The following MMD2 variants were observed in gnomAD, a reference collection of about 807,000 sequenced individuals.
MMD2 encodes the protein monocyte to macrophage differentiation factor 2.
A neutral mutation model predicts 33.5 loss-of-function variants in MMD2; 30 were observed. The ratio of observed to expected loss-of-function variants is 0.90; its 90% CI spans 0.67 to 1.22. The LOEUF is 1.22. MMD2 is among the 50% of genes most tolerant of loss of function. The pLI, the probability that MMD2 is intolerant of heterozygous loss-of-function variation, is 0.00. For synonymous variants in MMD2, 129 were observed against 123.0 expected (o/e 1.05, Z -0.32); for missense variants, 364 against 325.4 (o/e 1.12, Z -0.91).
chr7:4,958,172 G>C (rs922141158), intron 1 of MMD2, among the ~76,000 whole-genome samples: 10 of 152,152 alleles, frequency 6.6e-5, no homozygotes, highest in African/African-American at 2.4e-4. Context: ...CAGCAGACGG[G>C]TCTGTGCTCG....
Position 4,906,888 on chromosome 7 carries a change from T to C in MMD2, c.*508A>G, listed in dbSNP as rs1258012040. On this transcript the variant is annotated 3_prime_UTR_variant, in exon 7 of 7. Transcript: ENST00000401401. ...GACATCACCCATGTGCTGCACTTGA[T>C]TGGTGATGTCTGCCATGGTCACAGC... 3 of 254,930 alleles carry C rather than the reference T, an allele frequency of 1.2e-5. No individual in the cohort carries two copies. The highest frequency in any genetic ancestry group is 1.2e-4 in the South Asian group (1 of 8,240). 15.8% of individuals were successfully genotyped at this position (254,930 alleles called of 1,614,324 possible).
intron 3 of MMD2, 72 bp downstream of exon 3, chr7:4,920,099 C>A (rs1271344887): frequency 3.4e-6 from 5 of 1,470,474 alleles, no homozygotes; most frequent in Non-Finnish European, 4.6e-6. Context: ...TCCTGGTTCA[C>A]CCCCCGGGCT....
downstream of MMD2, among the ~76,000 whole-genome samples, chr7:4,903,748 C>A (rs1784824370): frequency 6.6e-6 from 1 of 152,230 alleles, no homozygotes; most frequent in Non-Finnish European, 1.5e-5. Context: ...CCTGCCCTGG[C>A]AGTGCCCACT....
At chr7:4,952,975 C>A (rs754064348) in intron 1 of MMD2, among the ~76,000 whole-genome samples, 10 of 151,038 alleles carry the variant, frequency 6.6e-5, no homozygotes, top group Non-Finnish European at 8.8e-5. Context: ...CCACACCTGG[C>A]CTTTTTTTGT....
At chr7:4,914,125 A>G (rs1785084709) in intron 4 of MMD2, among the ~76,000 whole-genome samples, 1 of 152,208 alleles carries the variant, frequency 6.6e-6, no homozygotes, top group African/African-American at 2.4e-5. Flanking sequence ...AGCTGGGAGC[A>G]CAGGCACATG....
Position 4,913,648 on chromosome 7 carries a change from G to A in MMD2, c.365+2357C>T, listed in dbSNP as rs1785068452. ...CAGGAGAATTGCTTGAACCCGGGAG[G>A]CAGGGTTTGCACTGAGCCAAGATCA... On this transcript the variant is annotated intron_variant, in intron 4 of 6. Coordinates refer to ENST00000401401, the MANE Select transcript of MMD2 (RefSeq NM_198403.4). Among the ~76,000 whole-genome samples, 5 of 150,718 alleles carry A rather than the reference G, an allele frequency of 3.3e-5. No homozygotes were observed. In the South Asian group the frequency reaches 1.0e-3, roughly 32 times the overall value.
At position 4,909,027 on chromosome 7, in the gene MMD2, T is replaced by C. The variant is rs374054096; in HGVS notation, c.537+854A>G. Among the ~76,000 whole-genome samples the C allele has an allele frequency of 3.3e-5, 5 of 152,224 alleles. No homozygotes were observed. The South Asian group carries it at 8.3e-4, about 25-fold the overall frequency. On this transcript the variant is annotated intron_variant, in intron 6 of 6. Coordinates refer to ENST00000401401, the MANE Select transcript of MMD2 (RefSeq NM_198403.4). ...CTTACTACCACTGAACTGAATATTTTACCACAGTTTTTTAAAGTAATGGCA... is the reference window on the plus strand; with the variant it reads ...CTTACTACCACTGAACTGAATATTTCACCACAGTTTTTTAAAGTAATGGCA...
intron 1 of MMD2, among the ~76,000 whole-genome samples, chr7:4,935,697 AC>A (rs1316186899): frequency 0.012 from 1,505 of 126,536 alleles, 48 homozygotes; most frequent in Admixed American, 0.061. Flanking sequence ...AAAAAAAAAA[AC>A]CAAAAAAATT....
chr7:4,912,090 A>T (rs1398092105), intron 4 of MMD2, among the ~76,000 whole-genome samples: 2 of 151,754 alleles, frequency 1.3e-5, no homozygotes. Flanking sequence ...CAACAGAGTA[A>T]GTAAGACCCT....
chr7:4,936,953 C>G (rs1310983652), intron 1 of MMD2, among the ~76,000 whole-genome samples: 1 of 150,374 alleles, frequency 6.7e-6, no homozygotes, highest in Non-Finnish European at 1.5e-5. Flanking sequence ...TCAGGATGGT[C>G]TCAAACTCCT....
intron 1 of MMD2, among the ~76,000 whole-genome samples, chr7:4,955,967 C>T (rs546928641): frequency 4.6e-5 from 7 of 152,268 alleles, no homozygotes; most frequent in Admixed American, 1.3e-4. Context: ...GCAGGAGAAT[C>T]GCTTAAACCT....
Position 4,907,031 on chromosome 7 carries a change from C to T in MMD2, c.*365G>A. On this transcript the variant is annotated 3_prime_UTR_variant, in exon 7 of 7. Transcript: ENST00000401401. ...CCCTGGCCACCCAGGTATAAACAAC[C>T]CACAGGACTCTTTGCCAGATTCTTC... The T allele has an allele frequency of 3.6e-6, 1 of 281,028 alleles. No homozygotes were observed. The highest frequency in any genetic ancestry group is 8.8e-5 in the East Asian group (1 of 11,308). 17.4% of individuals were successfully genotyped at this position (281,028 alleles called of 1,614,324 possible). A position where few individuals can be genotyped will look rare whatever the true frequency, so the allele number is the denominator to read the frequency against.
At chr7:4,899,242 T>C in the MMD2 span, among the ~76,000 whole-genome samples, 1 of 152,214 alleles carries the variant, frequency 6.6e-6, no homozygotes, top group Admixed American at 6.5e-5. Flanking sequence ...ATTCCTGTTG[T>C]TTATAATCCA....
intron 2 of MMD2, 135 bp from the exon 3 acceptor site, chr7:4,920,466 G>C: frequency 2.5e-6 from 2 of 801,174 alleles, no homozygotes; most frequent in Non-Finnish European, 3.9e-6. Context: ...ACTGAAGAAC[G>C]GAATCATTTT....
intron 1 of MMD2, among the ~76,000 whole-genome samples, chr7:4,955,801 C>T (rs1444064597): frequency 3.9e-5 from 6 of 152,116 alleles, no homozygotes; most frequent in African/African-American, 1.4e-4. Context: ...TCCTCTAATC[C>T]CAGCACTTTG....
chr7:4,898,253 C>T, the MMD2 span, among the ~76,000 whole-genome samples: 1 of 152,308 alleles, frequency 6.6e-6, no homozygotes, highest in Non-Finnish European at 1.5e-5. Context: ...TAATTTCTTT[C>T]TCCTTACCTG....
chr7:4,900,913 G>C, the MMD2 span, among the ~76,000 whole-genome samples: 1 of 152,132 alleles, frequency 6.6e-6, no homozygotes, highest in Non-Finnish European at 1.5e-5. Context: ...CCTAAGGTGG[G>C]TGGATCACCT....
chr7:4,947,593 C>T (rs1227749100), intron 1 of MMD2, among the ~76,000 whole-genome samples: 1 of 150,926 alleles, frequency 6.6e-6, no homozygotes, highest in Admixed American at 6.6e-5. Flanking sequence ...CGGGGTTTCA[C>T]CATGTTAGCC....
the MMD2 span, among the ~76,000 whole-genome samples, chr7:4,899,292 A>G: frequency 3.2e-4 from 48 of 152,342 alleles, no homozygotes; most frequent in Admixed American, 6.5e-4. Context: ...CAAAATAGAC[A>G]AAGGCTAGGA....
Sources: gnomAD v4.1 joint callset for allele counts (sites outside exome capture counted in the v4.1 genomes callset) on GRCh38, gnomAD v4.1.1 for gene constraint, MANE v1.5 for transcripts, NCBI Gene and HGNC (gene_info 2026-07-23, HGNC 2026-07-21) for gene names.